COL4A6: variants seen among roughly 807,000 people sequenced by gnomAD.
The protein encoded by COL4A6 is collagen type IV alpha 6 chain, also known as collagen alpha-6(IV) chain.
COL4A6 carries 59 observed loss-of-function variants against 126.7 expected under a neutral mutation model. The ratio of observed to expected loss-of-function variants is 0.47; its 90% CI spans 0.38 to 0.58. COL4A6 has a LOEUF of 0.58. Among genes scored for constraint, COL4A6 ranks in the 20% least tolerant of loss-of-function variants. COL4A6 has a pLI of 0.00. For missense variants in COL4A6, 1,285 were observed against 1,337.3 expected (o/e 0.96, Z 0.61); for synonymous variants, 547 against 496.6 (o/e 1.10, Z -1.35).
chrX:108,243,354 G>A (rs1388013215), intron 3 of COL4A6, among the ~76,000 whole-genome samples: 1 of 110,930 alleles, frequency 9.0e-6, no homozygotes, highest in East Asian at 2.8e-4. Flanking sequence ...GGTGATTAAG[G>A]TTAAGTGAGG....
At chrX:108,233,361 G>T (rs746740032) in intron 3 of COL4A6, among the ~76,000 whole-genome samples, 82 of 111,710 alleles carry the variant, frequency 7.3e-4, no homozygotes, top group African/African-American at 2.3e-3. Flanking sequence ...GGAGCTGATT[G>T]CTTCTGGATC....
At chrX:108,323,945 G>A (rs182571945) in intron 2 of COL4A6, among the ~76,000 whole-genome samples, 6 of 112,265 alleles carry the variant, frequency 5.3e-5, no homozygotes, top group South Asian at 3.7e-4. Flanking sequence ...CTTCTACATC[G>A]TGTGAGCTTA....
intron 28 of COL4A6, 144 bp downstream of exon 28, chrX:108,176,697 C>T (rs967318413): frequency 3.1e-6 from 2 of 655,083 alleles, no homozygotes; most frequent in African/African-American, 4.4e-5. Flanking sequence ...TTAGCACTAG[C>T]CTTGTCCAAC....
At chrX:108,421,392 T>C (rs2148271936) in intron 2 of COL4A6, among the ~76,000 whole-genome samples, 1 of 111,765 alleles carries the variant, frequency 8.9e-6, no homozygotes, top group African/African-American at 3.3e-5. Flanking sequence ...GTGCAGAAGC[T>C]AAGGGAAGGG....
At chrX:108,368,829 A>T (rs1198004971) in intron 2 of COL4A6, among the ~76,000 whole-genome samples, 1 of 111,418 alleles carries the variant, frequency 9.0e-6, no homozygotes, top group African/African-American at 3.3e-5. Context: ...AGGATCATCA[A>T]CATCACTTTC....
chrX:108,286,123 T>A (rs937796000), intron 3 of COL4A6, among the ~76,000 whole-genome samples: 4 of 111,888 alleles, frequency 3.6e-5, no homozygotes, highest in Non-Finnish European at 7.5e-5. Context: ...TGTGCATAAG[T>A]CAAACAAAAT....
chrX:108,366,819 C>A (rs1275941523), intron 2 of COL4A6, among the ~76,000 whole-genome samples: 1 of 111,863 alleles, frequency 8.9e-6, no homozygotes, highest in Non-Finnish European at 1.9e-5. Context: ...TATTGTTCCC[C>A]AAATTCCCTT....
intron 3 of COL4A6, among the ~76,000 whole-genome samples, chrX:108,298,452 C>A (rs1191180662): frequency 8.9e-6 from 1 of 111,772 alleles, no homozygotes; most frequent in Admixed American, 9.3e-5. Flanking sequence ...GCCTGGCCTC[C>A]GGGCCCTCTC....
chrX:108,398,397 C>A (rs984715067), intron 2 of COL4A6, among the ~76,000 whole-genome samples: 11 of 111,733 alleles, frequency 9.8e-5, no homozygotes, highest in African/African-American at 3.6e-4. Flanking sequence ...CTTCTCAGAA[C>A]AATTCCTTAA....
At chrX:108,180,869 A>G in intron 24 of COL4A6, 28 bp downstream of exon 24, 1 of 1,181,641 alleles carries the variant, frequency 8.5e-7, no homozygotes, top group Non-Finnish European at 1.2e-6. Flanking sequence ...AAGAGTGTTT[A>G]GTGGCTTTCT....
intron 2 of COL4A6, among the ~76,000 whole-genome samples, chrX:108,347,969 C>T (rs913774682): frequency 3.6e-5 from 4 of 110,667 alleles, no homozygotes; most frequent in Non-Finnish European, 7.6e-5. Flanking sequence ...AGCAGGCAGG[C>T]CAGGCTGGCT....
chrX:108,307,072 T>C (rs1297125025), intron 3 of COL4A6, among the ~76,000 whole-genome samples: 2 of 105,076 alleles, frequency 1.9e-5, no homozygotes, highest in Non-Finnish European at 3.9e-5. Context: ...GTGTTGGAAA[T>C]GTCAACCTAA....
intron 31 of COL4A6, 41 bp from the exon 32 acceptor site, chrX:108,172,573 C>G: frequency 9.4e-7 from 1 of 1,066,716 alleles, no homozygotes; most frequent in Non-Finnish European, 1.3e-6. Context: ...GCCCAGAGCT[C>G]AGGACTGCCC....
chrX:108,278,930 AC>A (rs2037709267), intron 3 of COL4A6, among the ~76,000 whole-genome samples: 1 of 111,744 alleles, frequency 8.9e-6, no homozygotes, highest in South Asian at 3.8e-4. Context: ...TCCTTTACAG[AC>A]AAGCAAATGC....
intron 3 of COL4A6, among the ~76,000 whole-genome samples, chrX:108,271,329 T>TA (rs1250876577): frequency 8.9e-6 from 1 of 112,015 alleles, no homozygotes; most frequent in Non-Finnish European, 1.9e-5. Context: ...CAGTGGTACT[T>TA]AAAAATCCCA....
chrX:108,161,602 A>AAAT lies in COL4A6; in HGVS notation c.4333+16_4333+17insATT. 1.1e-6 allele frequency: 1 copy of AAAT among 907,837 alleles called. No homozygotes were observed. The highest frequency in any genetic ancestry group is 1.5e-6 in the Non-Finnish European group (1 of 664,913). 74.8% of individuals were successfully genotyped at this position (907,837 alleles called of 1,213,427 possible). Reference sequence around the variant, plus strand: ...CCATCCCCGCCCCGCCCGCCTCCTAATGTGGCATCATCAGACCTTCAAATC... The same window carrying AAAT: ...CCATCCCCGCCCCGCCCGCCTCCTAAAATTGTGGCATCATCAGACCTTCAAATC... On this transcript the variant is annotated intron_variant, in intron 42 of 44. Transcript: ENST00000334504.
chrX:108,328,020 G>T (rs1353128425), intron 2 of COL4A6, among the ~76,000 whole-genome samples: 1 of 111,318 alleles, frequency 9.0e-6, no homozygotes, highest in African/African-American at 3.3e-5. Context: ...TTTGGAGGAT[G>T]CCAGGGAAAT....
chrX:108,196,696 C>A (rs567938329), intron 13 of COL4A6, 117 bp from the exon 14 acceptor site: 1 of 542,995 alleles, frequency 1.8e-6, no homozygotes. Flanking sequence ...GGGAGGCTCA[C>A]CATGCTGTCT....
intron 3 of COL4A6, among the ~76,000 whole-genome samples, chrX:108,242,483 T>C (rs1289306424): frequency 8.9e-6 from 1 of 112,098 alleles, no homozygotes; most frequent in African/African-American, 3.2e-5. Context: ...CCAGACAGAA[T>C]ATGTAGAAAA....
Sources: allele counts gnomAD v4.1 joint callset (sites outside exome capture counted in the v4.1 genomes callset), GRCh38; gene constraint gnomAD v4.1.1; transcripts MANE v1.5; gene names NCBI Gene and HGNC (gene_info 2026-07-23, HGNC 2026-07-21).